Variants in GLB1 observed in about 807,000 individuals in gnomAD.
The protein encoded by GLB1 is beta-galactosidase.
Under a neutral mutation model 74.0 loss-of-function variants are expected in GLB1, and 56 were observed. That is an observed-to-expected ratio of 0.76 (90% confidence interval 0.61 to 0.94). The LOEUF (loss-of-function observed/expected upper bound fraction) is 0.94. GLB1 is among the 40% of genes least tolerant of loss of function. GLB1 has a pLI of 0.00. For missense variants in GLB1, 787 were observed against 845.5 expected, an observed-to-expected ratio of 0.93 and a Z score of 0.86; for synonymous variants, 323 against 323.6, an observed-to-expected ratio of 1.00 and a Z score of 0.02.
At chr3:33,020,777 T>C (rs1697435825) in intron 12 of GLB1, among the ~76,000 whole-genome samples, 1 of 152,252 alleles carries the variant, frequency 6.6e-6, no homozygotes, top group South Asian at 2.1e-4. Context: ...AAATTTCTCA[T>C]GTGTGATCAT....
At chr3:33,055,267 A>G (rs1477090345) in intron 6 of GLB1, among the ~76,000 whole-genome samples, 1 of 152,152 alleles carries the variant, frequency 6.6e-6, no homozygotes, top group Non-Finnish European at 1.5e-5. Flanking sequence ...GTCACCTCAC[A>G]TACAAATTAT....
At chr3:33,009,146 TAAA>T (rs1559379885) in intron 15 of GLB1, among the ~76,000 whole-genome samples, 3 of 150,240 alleles carry the variant, frequency 2.0e-5, no homozygotes, top group Non-Finnish European at 4.4e-5. Flanking sequence ...AATAAATAAA[TAAA>T]TAAATAAAAA....
the GLB1 span, among the ~76,000 whole-genome samples, chr3:32,968,646 C>T: frequency 1.3e-5 from 2 of 152,266 alleles, no homozygotes; most frequent in East Asian, 1.9e-4. Flanking sequence ...ATGGCTAAGC[C>T]ATTACATGAA....
chr3:33,003,150 T>C (rs4074708), intron 15 of GLB1, among the ~76,000 whole-genome samples: 7,733 of 152,318 alleles, frequency 0.051, 235 homozygotes, highest in Admixed American at 0.066. Flanking sequence ...ATGGTTTCTC[T>C]ATATTTTGGG....
chr3:32,972,648 G>C, the GLB1 span, among the ~76,000 whole-genome samples: 1 of 152,186 alleles, frequency 6.6e-6, no homozygotes, highest in Non-Finnish European at 1.5e-5. Context: ...CCAGACATCA[G>C]CCACTGCTGT....
chr3:33,015,310 C>T (rs1229262458), intron 14 of GLB1, among the ~76,000 whole-genome samples: 4 of 152,152 alleles, frequency 2.6e-5, no homozygotes, highest in Non-Finnish European at 4.4e-5. Context: ...ACCCGAGTCA[C>T]TCACCTGTTA....
intron 1 of GLB1, among the ~76,000 whole-genome samples, chr3:33,083,397 CAAAAAAA>C (rs60737086): frequency 1.9e-5 from 2 of 104,214 alleles, no homozygotes; most frequent in African/African-American, 7.3e-5. Context: ...AACTCTGTCT[CAAAAAAA>C]AAAAAAAAAA....
At chr3:33,088,735 C>A (rs996499690) in intron 1 of GLB1, among the ~76,000 whole-genome samples, 3 of 152,268 alleles carry the variant, frequency 2.0e-5, no homozygotes, top group Admixed American at 6.5e-5. Flanking sequence ...AGATTCAACA[C>A]AATCCCTATA....
chr3:33,045,296 A>C (rs544389605), intron 10 of GLB1: 1 of 908,220 alleles, frequency 1.1e-6, no homozygotes, highest in Non-Finnish European at 1.3e-6. Flanking sequence ...TTTGACTATG[A>C]AAGAAGAAAA....
chr3:33,025,884 G>C (rs1307021438), intron 10 of GLB1, among the ~76,000 whole-genome samples: 1 of 152,202 alleles, frequency 6.6e-6, no homozygotes, highest in Non-Finnish European at 1.5e-5. Context: ...CTCTGCCGCT[G>C]TTGACCCTGG....
rs758376354 is a variant in GLB1, at chr3:33,092,844, C to T, written c.75+4167G>A. On this transcript the variant is annotated intron_variant, in intron 1 of 15. Transcript: ENST00000307363. ...CAGGGCAGGGCCAGTTCAGGGAGAC[C>T]GCTGCAGGATGAGCTCTGTGATCTC... The T allele has an allele frequency of 1.3e-5, 21 of 1,601,488 alleles. No homozygotes were observed. The highest frequency in any genetic ancestry group is 2.7e-5 in the African/African-American group (2 of 74,814).
Position 33,014,197 on chromosome 3 carries a change from G to A in GLB1, c.1593C>T (p.Asp531=), listed in dbSNP as rs567562440. 4.3e-6 allele frequency: 7 copies of A among 1,614,206 alleles called. No homozygotes were observed. In the African/African-American group the frequency reaches 6.7e-5, roughly 15 times the overall value. ...CSHLGGWGHR[D]SGHHDEAWAH... is the part of the protein sequence containing the mutation. ...CCCAGGCTTCATCATGGTGGCCACT[G>A]TCACGGTGTCCCCAGCCCCCCAGGT... The change falls in exon 15 of 16, where the codon GAC becomes GAT. Residue 531 remains aspartate (D), a synonymous_variant. Transcript: ENST00000307363.
chr3:33,018,075 G>A (rs1404373511), intron 13 of GLB1, among the ~76,000 whole-genome samples: 2 of 151,904 alleles, frequency 1.3e-5, no homozygotes, highest in African/African-American at 2.4e-5. Flanking sequence ...CTTGAGCTCC[G>A]GAGTTCAAGA....
At chr3:33,022,563 G>GTTTTTTTTTT (rs1380045437) in intron 11 of GLB1, among the ~76,000 whole-genome samples, 9 of 15,326 alleles carry the variant, frequency 5.9e-4, no homozygotes, top group Non-Finnish European at 8.9e-4. Context: ...TACTGGTTAG[G>GTTTTTTTTTT]ATTTTTTTTT....
chr3:33,055,057 T>C (rs57677815), intron 6 of GLB1, among the ~76,000 whole-genome samples: 12,284 of 152,292 alleles, frequency 0.081, 1,158 homozygotes, highest in East Asian at 0.48. Context: ...CAGAATCTCA[T>C]TGGCTGTCTT....
At position 33,077,109 on chromosome 3, in the gene GLB1, CCTT is replaced by C. The variant is rs1437779730; in HGVS notation, c.76-4399_76-4397del. 7 of 1,415,906 alleles carry C rather than the reference CCTT, an allele frequency of 4.9e-6. No homozygotes were observed. Among genetic ancestry groups the C allele is most frequent in the African/African-American group, 1.4e-5 (1 of 69,794 alleles). The allele number at this position is 1,415,906 out of a possible 1,614,324, so 87.7% of individuals were successfully genotyped here. A position where few individuals can be genotyped will look rare whatever the true frequency, so the allele number is the denominator to read the frequency against. On this transcript the variant is annotated intron_variant, in intron 1 of 15. Transcript: ENST00000307363. ...TCTCCCTCACCCACTGCTGCCGCCT[CCTT>C]CTTCTCCCACTCCTGTTGCTGCTTG...
downstream of GLB1, among the ~76,000 whole-genome samples, chr3:32,994,973 G>A (rs1238665672): frequency 2.6e-5 from 4 of 151,624 alleles, no homozygotes; most frequent in African/African-American, 9.7e-5. Context: ...TCCTGGGTAA[G>A]GGGTGGCAGA....
At chr3:33,094,593 G>A (rs1266674671) in intron 1 of GLB1, among the ~76,000 whole-genome samples, 2 of 152,212 alleles carry the variant, frequency 1.3e-5, no homozygotes, top group Non-Finnish European at 1.5e-5. Context: ...AGTGTGGTCT[G>A]GAGAGAGCCC....
At chr3:33,076,742 C>T (rs1256176440) in intron 1 of GLB1, among the ~76,000 whole-genome samples, 1 of 152,160 alleles carries the variant, frequency 6.6e-6, no homozygotes, top group Admixed American at 6.5e-5. Flanking sequence ...ATCAGTTCAT[C>T]GTAATTTACA....
Sources: allele counts gnomAD v4.1 joint callset (sites outside exome capture counted in the v4.1 genomes callset), GRCh38; gene constraint gnomAD v4.1.1; transcripts MANE v1.5; gene names NCBI Gene and HGNC (gene_info 2026-07-23, HGNC 2026-07-21).